The following CARMIL1 variants were observed in gnomAD, a reference collection of about 807,000 sequenced individuals.
CARMIL1 encodes F-actin-uncapping protein LRRC16A.
Under a neutral mutation model 177.1 loss-of-function variants are expected in CARMIL1, and 90 were observed. That is an observed-to-expected ratio of 0.51 (90% CI 0.43 to 0.61). CARMIL1 has a LOEUF of 0.61. Ranked by LOEUF, CARMIL1 falls within the 20% of genes least tolerant of loss-of-function variation. The pLI is 0.00. For missense variants in CARMIL1, 1,380 were observed against 1,667.0 expected (o/e 0.83, Z 3.00); for synonymous variants, 577 against 606.2 (o/e 0.95, Z 0.71).
intron 33 of CARMIL1, among the ~76,000 whole-genome samples, chr6:25,603,060 G>T (rs937193263): frequency 2.6e-5 from 4 of 152,184 alleles, no homozygotes; most frequent in South Asian, 2.1e-4. Flanking sequence ...TTAAAAATCT[G>T]GGAGGGAAAA....
intron 2 of CARMIL1, among the ~76,000 whole-genome samples, chr6:25,336,399 C>T (rs772820334): frequency 1.3e-5 from 2 of 152,204 alleles, no homozygotes; most frequent in Non-Finnish European, 2.9e-5. Flanking sequence ...GTACTCTACT[C>T]ACCTCCCCTG....
Position 25,595,465 on chromosome 6 carries a change from A to T in CARMIL1, c.3119+938A>T, listed in dbSNP as rs113450404. Among the ~76,000 whole-genome samples, 449 of 152,312 alleles carry T rather than the reference A, an allele frequency of 2.9e-3. 3 individuals carry two copies. Among genetic ancestry groups the T allele is most frequent in the African/African-American group, 9.5e-3 (394 of 41,576 alleles). ...TAACTTACTGAATCTTATAACCTTT[A>T]GGACCCAATTATTTGTCTTCTTTGA... On this transcript the variant is annotated intron_variant, in intron 32 of 36. Coordinates refer to ENST00000329474, the MANE Select transcript of CARMIL1 (RefSeq NM_017640.6).
At chr6:25,484,929 A>G (rs1802475811) in intron 12 of CARMIL1, among the ~76,000 whole-genome samples, 1 of 152,084 alleles carries the variant, frequency 6.6e-6, no homozygotes, top group South Asian at 2.1e-4. Context: ...CTAGCCACCC[A>G]GGAGGCTGAG....
chr6:25,516,274 A>G (rs1249043928), intron 21 of CARMIL1, among the ~76,000 whole-genome samples: 2 of 146,164 alleles, frequency 1.4e-5, no homozygotes, highest in African/African-American at 5.3e-5. Context: ...CAAGGGGTAC[A>G]AAAGGTCTGC....
At chr6:25,339,701 G>T (rs538591183) in intron 2 of CARMIL1, among the ~76,000 whole-genome samples, 1 of 152,316 alleles carries the variant, frequency 6.6e-6, no homozygotes, top group Admixed American at 6.5e-5. Flanking sequence ...TGGGCAGTGG[G>T]TGTCCAGATG....
At chr6:25,450,903 T>G (rs1399330805) in intron 8 of CARMIL1, among the ~76,000 whole-genome samples, 192 bp downstream of exon 8, 1 of 118,212 alleles carries the variant, frequency 8.5e-6, no homozygotes, top group Non-Finnish European at 1.8e-5. Context: ...CTTTTCTTTT[T>G]TCTTTTCCTT....
intron 2 of CARMIL1, among the ~76,000 whole-genome samples, chr6:25,313,270 A>C (rs922748062): frequency 5.3e-5 from 8 of 152,148 alleles, no homozygotes; most frequent in Non-Finnish European, 1.0e-4. Context: ...GAGGGAGAGA[A>C]GGGTCTCTTC....
chr6:25,351,128 C>T (rs1435770926), intron 2 of CARMIL1, among the ~76,000 whole-genome samples: 1 of 152,110 alleles, frequency 6.6e-6, no homozygotes, highest in Non-Finnish European at 1.5e-5. Flanking sequence ...CTGCTAGTCA[C>T]ATATGGCCAC....
chr6:25,453,065 T>C (rs570960826), intron 8 of CARMIL1, among the ~76,000 whole-genome samples: 2 of 152,208 alleles, frequency 1.3e-5, no homozygotes, highest in Non-Finnish European at 2.9e-5. Context: ...CATTGAGTTA[T>C]ACATAGCTTT....
intron 31 of CARMIL1, among the ~76,000 whole-genome samples, chr6:25,587,399 T>G (rs180874002): frequency 2.0e-5 from 3 of 152,132 alleles, no homozygotes; most frequent in African/African-American, 7.2e-5. Context: ...AGTGTGTGTC[T>G]GGACAGAGGC....
chr6:25,515,683 G>T lies in CARMIL1; in HGVS notation c.1641G>T (p.Gln547His), dbSNP rs1472518596. ...TGTCATTTGCTCCGCAGCCTCTGCA[G>T]TCCTTGTCCCTGGCTGACTCGAAAC... ...QMIQDEESPLQSLSLADSKLK... is the reference protein window; with the variant it reads ...QMIQDEESPLHSLSLADSKLK... Residue 547 changes from glutamine (Q) to histidine (H), a missense_variant, in exon 21 of 37, where the codon CAG becomes CAT. Physicochemically the swap from Gln to His is conservative, Grantham distance 24 (BLOSUM62 0). Transcript: ENST00000329474. This position sits in a 1 kb window ranked among gnomAD's most constrained non-coding sequence, Gnocchi z 5.0. 6.2e-7 allele frequency: 1 copy of T among 1,602,602 alleles called. No homozygotes were observed. Among genetic ancestry groups the T allele is most frequent in the East Asian group, 2.3e-5 (1 of 44,418 alleles).
chr6:25,297,989 C>T (rs188471954), intron 2 of CARMIL1, among the ~76,000 whole-genome samples: 15 of 152,278 alleles, frequency 9.9e-5, no homozygotes, highest in Non-Finnish European at 1.8e-4. Context: ...CATTTAAATT[C>T]TGAAATGGCA....
intron 8 of CARMIL1, among the ~76,000 whole-genome samples, chr6:25,463,503 TA>T (rs763081870): frequency 8.5e-5 from 13 of 152,246 alleles, no homozygotes; most frequent in Non-Finnish European, 1.5e-4. Flanking sequence ...AAGCCAGTTA[TA>T]CTTCAAATCA....
At chr6:25,306,801 G>C (rs1581510327) in intron 2 of CARMIL1, among the ~76,000 whole-genome samples, 2 of 151,018 alleles carry the variant, frequency 1.3e-5, no homozygotes, top group Non-Finnish European at 2.9e-5. Flanking sequence ...CAGTTCTTTT[G>C]AGTATATACC....
intron 2 of CARMIL1, among the ~76,000 whole-genome samples, chr6:25,395,565 T>C (rs923076470): frequency 6.6e-6 from 1 of 152,252 alleles, no homozygotes; most frequent in Non-Finnish European, 1.5e-5. Flanking sequence ...CGTTTTGTTT[T>C]CACTTATTTT....
At chr6:25,593,265 A>G (rs992988736) in intron 31 of CARMIL1, among the ~76,000 whole-genome samples, 1 of 152,136 alleles carries the variant, frequency 6.6e-6, no homozygotes, top group Non-Finnish European at 1.5e-5. Flanking sequence ...TAAATTATTC[A>G]AGAGTCTTTG....
intron 2 of CARMIL1, among the ~76,000 whole-genome samples, chr6:25,367,951 G>T (rs777437119): frequency 7.9e-5 from 12 of 152,286 alleles, no homozygotes; most frequent in East Asian, 1.9e-4. Flanking sequence ...GTAGAAATGA[G>T]GTTTCCCCAT....
chr6:25,531,835 A>G (rs1475134737), intron 24 of CARMIL1, among the ~76,000 whole-genome samples: 1 of 152,172 alleles, frequency 6.6e-6, no homozygotes, highest in Non-Finnish European at 1.5e-5. Flanking sequence ...CAGTGGCGCA[A>G]TCTCGGCTTA....
intron 17 of CARMIL1, among the ~76,000 whole-genome samples, chr6:25,507,016 C>T (rs936851355): frequency 2.4e-4 from 36 of 152,192 alleles, no homozygotes; most frequent in African/African-American, 7.7e-4. Flanking sequence ...GAAAGAAAGA[C>T]GATTTTATTT....
Sources: gnomAD v4.1 joint callset for allele counts (sites outside exome capture counted in the v4.1 genomes callset) on GRCh38, gnomAD v4.1.1 for gene constraint, Gnocchi (gnomAD v3.1) non-coding constraint, MANE v1.5 for transcripts, NCBI Gene and HGNC (gene_info 2026-07-23, HGNC 2026-07-21) for gene names.